Variants in EPB41L5 observed in about 807,000 individuals in gnomAD.
EPB41L5 encodes the protein band 4.1-like protein 5.
EPB41L5 carries 55 observed loss-of-function variants against 106.6 expected under a neutral mutation model. That is an observed-to-expected ratio of 0.52 (90% CI 0.42 to 0.65). The LOEUF (loss-of-function observed/expected upper bound fraction) is 0.65. EPB41L5 is among the 30% of genes least tolerant of loss of function. The pLI is 0.00. For missense variants in EPB41L5, 871 were observed against 882.1 expected (o/e 0.99, Z 0.16); for synonymous variants, 297 against 306.7 (o/e 0.97, Z 0.33).
chr2:120,121,061 G>A (rs1231945838), intron 16 of EPB41L5, among the ~76,000 whole-genome samples: 1 of 151,592 alleles, frequency 6.6e-6, no homozygotes, highest in Admixed American at 6.6e-5. Context: ...AGGCCGCAGT[G>A]AGCCAAGATT....
intron 20 of EPB41L5, among the ~76,000 whole-genome samples, chr2:120,159,158 C>T (rs946578326): frequency 4.6e-5 from 7 of 151,810 alleles, no homozygotes; most frequent in Admixed American, 1.3e-4. Context: ...GGTGCAGTGG[C>T]TCACTCCTGT....
chr2:120,133,065 A>G (rs1483430016), intron 18 of EPB41L5, among the ~76,000 whole-genome samples: 5 of 152,072 alleles, frequency 3.3e-5, no homozygotes, highest in Non-Finnish European at 5.9e-5. Context: ...ATAGGAGAGT[A>G]AAGGAGCACT....
intron 16 of EPB41L5, chr2:120,106,868 A>C (rs988844369): frequency 2.1e-5 from 21 of 982,280 alleles, no homozygotes; most frequent in Non-Finnish European, 2.4e-5. Context: ...ATCATAGATA[A>C]CATACTTTTA....
intron 16 of EPB41L5, among the ~76,000 whole-genome samples, chr2:120,118,347 A>AT (rs1458578447): frequency 1.3e-5 from 2 of 152,058 alleles, no homozygotes; most frequent in East Asian, 1.9e-4. Context: ...TTATTTATTT[A>AT]TTTTTTCTTT....
At chr2:120,074,274 GATTCCTGTCCCCTGGTAACAAGACCTCA>G in intron 5 of EPB41L5, 96 bp downstream of exon 5, 1 of 886,164 alleles carries the variant, frequency 1.1e-6, no homozygotes, top group East Asian at 2.7e-5. Flanking sequence ...TAATAAAATG[GATTCCTGTCCCCTGGTAACAAGACCTCA>G]AATAATAGAA....
chr2:120,152,888 GC>G (rs1686739980), intron 20 of EPB41L5, among the ~76,000 whole-genome samples: 1 of 152,140 alleles, frequency 6.6e-6, no homozygotes, highest in South Asian at 2.1e-4. Flanking sequence ...GGAGTAAATT[GC>G]TCATAGTATT....
At chr2:120,043,422 C>A (rs1290342080) in intron 3 of EPB41L5, among the ~76,000 whole-genome samples, 1 of 151,886 alleles carries the variant, frequency 6.6e-6, no homozygotes, top group East Asian at 1.9e-4. Flanking sequence ...TGGCGTGCCC[C>A]TGTAGTCCCA....
At position 120,176,912 on chromosome 2, in the gene EPB41L5, G is replaced by A. The variant is rs1002413200; in HGVS notation, c.*2005G>A. On this transcript the variant is annotated 3_prime_UTR_variant, in exon 25 of 25. Coordinates refer to ENST00000263713, the MANE Select transcript of EPB41L5 (RefSeq NM_020909.4). ...GGACATAGTCTGTGACCTTTATGTC[G>A]TTGGATACCTGTATTCTTGACAGTT... 1.3e-5 allele frequency: 2 copies of A among 152,168 alleles called. No homozygotes were observed. Among genetic ancestry groups the A allele is most frequent in the Non-Finnish European group, 2.9e-5 (2 of 68,036 alleles). 9.4% of individuals were successfully genotyped at this position (152,168 alleles called of 1,614,324 possible).
chr2:120,104,021 T>G (rs1684300865), intron 16 of EPB41L5: 1 of 1,483,876 alleles, frequency 6.7e-7, no homozygotes, highest in Admixed American at 2.3e-5. Context: ...CTATTCCTAT[T>G]GACTAACTGT....
In EPB41L5 at chr2:120,042,081, C is replaced by A; in HGVS notation, c.256C>A (p.Leu86Met). Residue 86 changes from leucine (L) to methionine (M), a missense_variant, in exon 3 of 25, where the codon CTG becomes ATG. Leu to Met is a conservative substitution (Grantham distance 15). Coordinates refer to ENST00000263713, the MANE Select transcript of EPB41L5 (RefSeq NM_020909.4). ...CCTGATTGAAAGCGACTATTTTGGT[C>A]TGAGATTTATGGATTCAGCACAAGT... ...LDLIESDYFG[L>M]RFMDSAQVAH... The A allele has an allele frequency of 6.2e-7, 1 of 1,613,414 alleles. No homozygotes were observed. The highest frequency in any genetic ancestry group is 1.1e-5 in the South Asian group (1 of 90,992).
intron 3 of EPB41L5, among the ~76,000 whole-genome samples, chr2:120,056,826 C>G (rs146252757): frequency 6.6e-6 from 1 of 152,158 alleles, no homozygotes; most frequent in East Asian, 1.9e-4. Context: ...CCATCTGGTT[C>G]TGGGCTTTTG....
intron 4 of EPB41L5, 128 bp downstream of exon 4, chr2:120,073,348 A>C: frequency 1.2e-6 from 1 of 825,446 alleles, no homozygotes; most frequent in South Asian, 1.8e-5. Context: ...TCTAGAAATT[A>C]TTTTATTCTG....
chr2:120,079,338 A>G (rs1682476061), intron 10 of EPB41L5, among the ~76,000 whole-genome samples: 1 of 152,226 alleles, frequency 6.6e-6, no homozygotes, highest in South Asian at 2.1e-4. Flanking sequence ...TCTACTGGCC[A>G]TAGATAAGGC....
chr2:120,086,862 A>AT (rs1421920152), intron 10 of EPB41L5, among the ~76,000 whole-genome samples: 2 of 152,120 alleles, frequency 1.3e-5, no homozygotes, highest in African/African-American at 2.4e-5. Context: ...CACTGGAACA[A>AT]TTTTCCCTAG....
intron 10 of EPB41L5, among the ~76,000 whole-genome samples, chr2:120,080,281 C>T (rs1433781462): frequency 8.6e-5 from 13 of 151,916 alleles, no homozygotes; most frequent in Admixed American, 6.6e-4. Flanking sequence ...CGACAGGCCC[C>T]GGTGTGTGAT....
In EPB41L5 at chr2:120,177,041, T is replaced by C. The variant is rs894396939; in HGVS notation, c.*2134T>C. ...AGTGGCAAACACGGAAGTTCATACT[T>C]GAATGCTGAATTGGCCCCGACAGAT... On this transcript the variant is annotated 3_prime_UTR_variant, in exon 25 of 25. Transcript: ENST00000263713. The C allele has an allele frequency of 1.3e-5, 2 of 152,152 alleles. No homozygotes were observed. The highest frequency in any genetic ancestry group is 2.9e-5 in the Non-Finnish European group (2 of 68,030). The allele number at this position is 152,152 out of a possible 1,614,324, so 9.4% of individuals were successfully genotyped here.
At chr2:120,112,889 A>G (rs1441654492) in intron 16 of EPB41L5, among the ~76,000 whole-genome samples, 1 of 152,216 alleles carries the variant, frequency 6.6e-6, no homozygotes, top group African/African-American at 2.4e-5. Flanking sequence ...AAATGAAGGC[A>G]CAGAACAATG....
intron 16 of EPB41L5, among the ~76,000 whole-genome samples, chr2:120,117,967 A>G (rs1327307531): frequency 6.6e-6 from 1 of 152,106 alleles, no homozygotes; most frequent in East Asian, 1.9e-4. Context: ...ATATATTTTC[A>G]GTTTTTCACT....
intron 18 of EPB41L5, among the ~76,000 whole-genome samples, chr2:120,136,892 T>C (rs1685945998): frequency 6.6e-6 from 1 of 151,926 alleles, no homozygotes; most frequent in Non-Finnish European, 1.5e-5. Flanking sequence ...ATGGACCTAA[T>C]AGAACATTTT....
Sources: gnomAD v4.1 joint callset for allele counts (sites outside exome capture counted in the v4.1 genomes callset) on GRCh38, gnomAD v4.1.1 for gene constraint, MANE v1.5 for transcripts, NCBI Gene and HGNC (gene_info 2026-07-23, HGNC 2026-07-21) for gene names.